STOX2: variants seen among roughly 807,000 people sequenced by gnomAD.
The protein encoded by STOX2 is storkhead box 2.
A neutral mutation model predicts 60.9 loss-of-function variants in STOX2; 28 were observed. That is an observed-to-expected ratio of 0.46 (90% CI 0.34 to 0.63). The LOEUF is 0.63. Ranked by LOEUF, STOX2 falls within the 30% of genes least tolerant of loss-of-function variation. The pLI, the probability that STOX2 is intolerant of heterozygous loss-of-function variation, is 0.01. For missense variants in STOX2, 1,024 were observed against 1,187.7 expected (o/e 0.86, Z 2.03); for synonymous variants, 472 against 463.9 (o/e 1.02, Z -0.22).
At chr4:184,003,012 G>A (rs1733662548) in intron 2 of STOX2, among the ~76,000 whole-genome samples, 1 of 152,192 alleles carries the variant, frequency 6.6e-6, no homozygotes, top group Non-Finnish European at 1.5e-5. Flanking sequence ...TTCACTGTCT[G>A]ATTGCCTGTC....
At chr4:183,875,706 G>A (rs968802804) in intron 1 of STOX2, among the ~76,000 whole-genome samples, 1 of 152,172 alleles carries the variant, frequency 6.6e-6, no homozygotes, top group Non-Finnish European at 1.5e-5. Flanking sequence ...AGCTCCGCTC[G>A]TTTTAGTCTC....
intron 1 of STOX2, among the ~76,000 whole-genome samples, chr4:183,892,994 T>G (rs1048884963): frequency 3.3e-5 from 5 of 152,162 alleles, no homozygotes; most frequent in African/African-American, 7.2e-5. Flanking sequence ...AGGGACATGG[T>G]GATGTGTAAG....
chr4:183,826,535 C>T (rs1177461689), intron 1 of STOX2, among the ~76,000 whole-genome samples: 4 of 152,230 alleles, frequency 2.6e-5, no homozygotes, highest in Non-Finnish European at 5.9e-5. Flanking sequence ...GTATTCTCTA[C>T]ACCACTTCAC....
Position 183,879,375 on chromosome 4 carries a change from G to A in STOX2, c.364+81320G>A, listed in dbSNP as rs530555561. Among the ~76,000 whole-genome samples the A allele has an allele frequency of 5.3e-5, 8 of 152,292 alleles. No individual in the cohort carries two copies. The East Asian group carries it at 1.2e-3, about 22-fold the overall frequency. ...TCACGGAGCAAAAACAGAAGCACAC[G>A]GTGGCTCTATGCTGGCCTCACTCTG... On this transcript the variant is annotated intron_variant, in intron 1 of 2. Transcript: ENST00000513034.
chr4:183,989,739 G>C (rs1733016251), intron 1 of STOX2, among the ~76,000 whole-genome samples: 1 of 152,062 alleles, frequency 6.6e-6, no homozygotes, highest in Non-Finnish European at 1.5e-5. Flanking sequence ...CAACATCCAT[G>C]GGCTTTTCAC....
chr4:183,951,211 T>C (rs976338195), intron 1 of STOX2, among the ~76,000 whole-genome samples: 20 of 129,702 alleles, frequency 1.5e-4, no homozygotes, highest in African/African-American at 4.9e-4. Flanking sequence ...CGAGACTCCG[T>C]CTCAAAAAAA....
chr4:183,798,317 C>A (rs2111087454), intron 1 of STOX2, among the ~76,000 whole-genome samples: 1 of 150,998 alleles, frequency 6.6e-6, no homozygotes, highest in South Asian at 2.1e-4. Flanking sequence ...CGGTGGCGGG[C>A]GGTGCCTGAG....
intron 1 of STOX2, among the ~76,000 whole-genome samples, chr4:183,827,558 C>T (rs977535821): frequency 1.3e-5 from 2 of 152,004 alleles, no homozygotes; most frequent in African/African-American, 4.8e-5. Flanking sequence ...CCTCTTTACT[C>T]AGCTTTAATG....
At chr4:183,846,634 C>T (rs988471959) in intron 1 of STOX2, among the ~76,000 whole-genome samples, 1 of 151,960 alleles carries the variant, frequency 6.6e-6, no homozygotes, top group Non-Finnish European at 1.5e-5. Context: ...TATTGATATT[C>T]TCTATTTTGT....
intron 1 of STOX2, among the ~76,000 whole-genome samples, chr4:183,891,613 G>T (rs1741216974): frequency 6.6e-6 from 1 of 151,474 alleles, no homozygotes; most frequent in Admixed American, 6.6e-5. Flanking sequence ...GGGAGGAAAG[G>T]GTGGGAGGGG....
intron 1 of STOX2, among the ~76,000 whole-genome samples, chr4:183,824,223 A>C (rs1276500009): frequency 6.6e-6 from 1 of 152,260 alleles, no homozygotes; most frequent in Non-Finnish European, 1.5e-5. Flanking sequence ...GAATAGGATA[A>C]TTTAAGCAGG....
At chr4:184,006,994 C>A (rs550514984) in intron 2 of STOX2, among the ~76,000 whole-genome samples, 6 of 109,018 alleles carry the variant, frequency 5.5e-5, no homozygotes, top group South Asian at 3.2e-4. Context: ...CCAGCCTGGG[C>A]GACAGAGCGA....
intron 1 of STOX2, among the ~76,000 whole-genome samples, chr4:183,908,828 A>G (rs1741698136): frequency 6.6e-6 from 1 of 152,118 alleles, no homozygotes; most frequent in Admixed American, 6.6e-5. Context: ...TTCTGTTCAG[A>G]TTCAATGTTA....
chr4:183,848,324 G>A (rs544075576), intron 1 of STOX2, among the ~76,000 whole-genome samples: 8 of 152,292 alleles, frequency 5.3e-5, no homozygotes, highest in African/African-American at 1.4e-4. Context: ...GATGGTTGCT[G>A]TAGCTCCAGA....
At chr4:183,851,354 A>G (rs1740129658) in intron 1 of STOX2, among the ~76,000 whole-genome samples, 1 of 87,406 alleles carries the variant, frequency 1.1e-5, no homozygotes, top group Admixed American at 1.1e-4. Context: ...AGGATGAGAG[A>G]AAGGATGAGG....
rs1734502987 is a variant in STOX2 at position 184,019,720 on chromosome 4, G to T, written c.*2436G>T. The T allele has an allele frequency of 6.6e-6, 1 of 152,186 alleles. No individual in the cohort carries two copies. The highest frequency in any genetic ancestry group is 1.9e-4 in the East Asian group (1 of 5,196). 9.4% of individuals were successfully genotyped at this position (152,186 alleles called of 1,614,324 possible). On this transcript the variant is annotated 3_prime_UTR_variant, in exon 4 of 4. Transcript: ENST00000308497. ...AGCAGCCATTAGTGTAGAAATGATG[G>T]ACTTTAAAGGTGATACCATGTAAGC...
chr4:183,995,885 C>G (rs1236918926), intron 1 of STOX2, among the ~76,000 whole-genome samples: 1 of 152,220 alleles, frequency 6.6e-6, no homozygotes, highest in African/African-American at 2.4e-5. Context: ...TGCTGCACCC[C>G]CGTGCTGGCT....
upstream of STOX2, among the ~76,000 whole-genome samples, chr4:183,903,784 C>T (rs1741515759): frequency 6.6e-6 from 1 of 152,180 alleles, no homozygotes. Flanking sequence ...ACACCAGCGG[C>T]CCCCAACCTT....
At chr4:183,932,417 T>C (rs1742461401) in intron 1 of STOX2, among the ~76,000 whole-genome samples, 1 of 84,714 alleles carries the variant, frequency 1.2e-5, no homozygotes, top group Admixed American at 1.2e-4. Context: ...TATGTATACA[T>C]ACAGTATATG....
Sources: allele counts gnomAD v4.1 joint callset (sites outside exome capture counted in the v4.1 genomes callset), GRCh38; gene constraint gnomAD v4.1.1; transcripts MANE v1.5; gene names NCBI Gene and HGNC (gene_info 2026-07-23, HGNC 2026-07-21).